The following PRLR variants were observed in gnomAD, a reference collection of about 807,000 sequenced individuals.
PRLR encodes the protein hPRL receptor.
A neutral mutation model predicts 40.2 loss-of-function variants in PRLR; 13 were observed. The observed-to-expected ratio is 0.32, with a 90% CI of 0.21 to 0.51. The LOEUF is 0.51. Among genes scored for constraint, PRLR ranks in the 20% least tolerant of loss-of-function variants. PRLR has a pLI of 0.97. For synonymous variants in PRLR, 269 were observed against 278.7 expected, an observed-to-expected ratio of 0.97 and a Z score of 0.35; for missense variants, 656 against 747.3, an observed-to-expected ratio of 0.88 and a Z score of 1.42.
At chr5:35,134,968 T>G (rs980662782) in intron 1 of PRLR, among the ~76,000 whole-genome samples, 3 of 152,338 alleles carry the variant, frequency 2.0e-5, no homozygotes, top group Admixed American at 6.5e-5. Flanking sequence ...ATCTAAGCCA[T>G]CTATAACATT....
At chr5:35,097,594 G>A (rs1771610092) in intron 2 of PRLR, among the ~76,000 whole-genome samples, 3 of 152,070 alleles carry the variant, frequency 2.0e-5, no homozygotes, top group Admixed American at 2.0e-4. Flanking sequence ...ATCCATGCTG[G>A]CTGTGAGGAG....
intron 1 of PRLR, among the ~76,000 whole-genome samples, chr5:35,200,479 T>C (rs1383817513): frequency 6.6e-6 from 1 of 152,208 alleles, no homozygotes; most frequent in Non-Finnish European, 1.5e-5. Context: ...CTTTCAATTA[T>C]ATATTCTTCG....
At chr5:35,211,753 A>G (rs968975070) in intron 1 of PRLR, among the ~76,000 whole-genome samples, 16 of 152,360 alleles carry the variant, frequency 1.1e-4, no homozygotes, top group African/African-American at 3.8e-4. Flanking sequence ...TTGAGTAAAT[A>G]TTCATGAATT....
chr5:35,114,850 C>T (rs187202936), intron 2 of PRLR, among the ~76,000 whole-genome samples: 41 of 152,134 alleles, frequency 2.7e-4, no homozygotes, highest in African/African-American at 8.4e-4. Context: ...AGTTTGGGTG[C>T]GGCAGATGCA....
chr5:35,049,262 G>T, exon 9 of PRLR: 1 of 703,234 alleles, frequency 1.4e-6, no homozygotes, highest in Admixed American at 2.0e-5. Flanking sequence ...TTGAGTTCCT[G>T]AATTCTGGTA....
intron 1 of PRLR, among the ~76,000 whole-genome samples, chr5:35,217,892 T>C (rs1178283082): frequency 2.6e-5 from 4 of 152,220 alleles, no homozygotes; most frequent in Non-Finnish European, 4.4e-5. Context: ...CTGCCATTAA[T>C]TGCTCTGATC....
At chr5:35,077,504 C>A (rs995953579) in intron 5 of PRLR, among the ~76,000 whole-genome samples, 7 of 151,732 alleles carry the variant, frequency 4.6e-5, no homozygotes, top group Non-Finnish European at 8.8e-5. Context: ...GAAGTGCTAA[C>A]TATCCTAAAT....
intron 2 of PRLR, among the ~76,000 whole-genome samples, 200 bp from the exon 3 acceptor site, chr5:35,089,863 T>C (rs1771094028): frequency 6.6e-6 from 1 of 152,068 alleles, no homozygotes; most frequent in South Asian, 2.1e-4. Flanking sequence ...CTGGGAAAAT[T>C]TCCACCACCA....
chr5:35,139,370 A>G (rs1420596121), intron 1 of PRLR, among the ~76,000 whole-genome samples: 1 of 152,146 alleles, frequency 6.6e-6, no homozygotes, highest in Non-Finnish European at 1.5e-5. Context: ...TCCTGACCTC[A>G]GCCTCCCAAA....
intron 1 of PRLR, among the ~76,000 whole-genome samples, chr5:35,167,123 A>T (rs1774856048): frequency 6.7e-6 from 1 of 149,798 alleles, no homozygotes; most frequent in African/African-American, 2.5e-5. Context: ...AAATAACATC[A>T]ATCTGTTTGT....
In PRLR at chr5:35,061,520, T is replaced by C. The variant is rs550656403; in HGVS notation, c.*3569A>G. On this transcript the variant is annotated 3_prime_UTR_variant, in exon 10 of 10. Coordinates refer to ENST00000618457, the MANE Select transcript of PRLR (RefSeq NM_000949.7). ...TTCAGACCAAGCCAGTTAAAGTGAGTCTTTTGTACTTAAGTGACTACCAGG... is the reference window on the plus strand; with the variant it reads ...TTCAGACCAAGCCAGTTAAAGTGAGCCTTTTGTACTTAAGTGACTACCAGG... 1 of 152,320 alleles carries C rather than the reference T, an allele frequency of 6.6e-6. No homozygotes were observed. Among genetic ancestry groups the C allele is most frequent in the African/African-American group, 2.4e-5 (1 of 41,558 alleles). 9.4% of individuals were successfully genotyped at this position (152,320 alleles called of 1,614,324 possible). A position where few individuals can be genotyped will look rare whatever the true frequency, so the allele number is the denominator to read the frequency against.
chr5:35,224,977 C>G (rs927081600), intron 1 of PRLR, among the ~76,000 whole-genome samples: 14 of 152,162 alleles, frequency 9.2e-5, no homozygotes, highest in African/African-American at 3.4e-4. Flanking sequence ...CTTCTGGCAA[C>G]TGGGACTACT....
rs57649490 is a variant in PRLR, at chr5:35,049,903, CTT to C, written c.1010-497_1010-496del. Among the ~76,000 whole-genome samples the C allele has an allele frequency of 6.0e-3, 735 of 123,484 alleles. 2 individuals carry two copies. Among genetic ancestry groups the C allele is most frequent in the African/African-American group, 0.021 (664 of 32,016 alleles). The allele number at this position is 123,484 out of a possible 152,430, so 81.0% of individuals were successfully genotyped here. On this transcript the variant is annotated intron_variant, in intron 8 of 8. Coordinates refer to the PRLR transcript ENST00000231423. ...AACTAACATTGCACGAAACTACATT[CTT>C]TTTTTTTTTTTTTTTTTTTGAGACA...
intron 1 of PRLR, among the ~76,000 whole-genome samples, chr5:35,148,521 A>C (rs1774250845): frequency 6.6e-6 from 1 of 152,162 alleles, no homozygotes; most frequent in South Asian, 2.1e-4. Flanking sequence ...TTGGGTTGGA[A>C]TCCAAGCTCT....
At chr5:35,215,641 C>A (rs757299866) in intron 1 of PRLR, among the ~76,000 whole-genome samples, 1 of 152,142 alleles carries the variant, frequency 6.6e-6, no homozygotes, top group Non-Finnish European at 1.5e-5. Flanking sequence ...TGTTGTCTGT[C>A]TGATTCTAGC....
In PRLR at chr5:35,062,795, C is replaced by T. The variant is rs1313684340; in HGVS notation, c.*2294G>A. 1 of 152,144 alleles carries T rather than the reference C, an allele frequency of 6.6e-6. No individual in the cohort carries two copies. Among genetic ancestry groups the T allele is most frequent in the Non-Finnish European group, 1.5e-5 (1 of 68,030 alleles). 9.4% of individuals were successfully genotyped at this position (152,144 alleles called of 1,614,324 possible). A position where few individuals can be genotyped will look rare whatever the true frequency, so the allele number is the denominator to read the frequency against. ...CTTTCAGAAGTTGTGCGTAGTTTTG[C>T]AGGTCATTCTTTTATGTGAATTCAT... On this transcript the variant is annotated 3_prime_UTR_variant, in exon 10 of 10. Transcript: ENST00000618457.
intron 1 of PRLR, among the ~76,000 whole-genome samples, chr5:35,147,467 C>G (rs1413475847): frequency 6.6e-6 from 1 of 152,120 alleles, no homozygotes; most frequent in African/African-American, 2.4e-5. Context: ...CCATTTTTCA[C>G]TCAAAGTAGG....
chr5:35,148,459 G>C (rs944636363), intron 1 of PRLR, among the ~76,000 whole-genome samples: 1 of 152,164 alleles, frequency 6.6e-6, no homozygotes, highest in Non-Finnish European at 1.5e-5. Flanking sequence ...GCTACTATGT[G>C]AGCTGAGAAG....
intron 8 of PRLR, 70 bp from the exon 9 acceptor site, chr5:35,068,355 A>G (rs1769510963): frequency 7.5e-7 from 1 of 1,326,868 alleles, no homozygotes; most frequent in Non-Finnish European, 1.1e-6. Context: ...AGGTTAGTAT[A>G]ATAGCCACTA....
Sources: allele counts gnomAD v4.1 joint callset (sites outside exome capture counted in the v4.1 genomes callset), GRCh38; gene constraint gnomAD v4.1.1; transcripts MANE v1.5; gene names NCBI Gene and HGNC (gene_info 2026-07-23, HGNC 2026-07-21).